The following CBR4 variants were observed in gnomAD, a reference collection of about 807,000 sequenced individuals.
The protein encoded by CBR4 is carbonyl reductase 4.
In CBR4, 22 loss-of-function variants were observed where a neutral mutation model predicts 21.0. The ratio of observed to expected loss-of-function variants is 1.05; its 90% CI spans 0.75 to 1.50. The LOEUF is 1.50. CBR4 is among the 40% of genes most tolerant of loss of function. The pLI, the probability that CBR4 is intolerant of heterozygous loss-of-function variation, is 0.00. For missense variants in CBR4, 302 were observed against 286.3 expected, an observed-to-expected ratio of 1.05 and a Z score of -0.40; for synonymous variants, 100 against 104.4, an observed-to-expected ratio of 0.96 and a Z score of 0.26.
At chr4:168,964,408 C>T (rs1763956413) in intron 2 of CBR4, among the ~76,000 whole-genome samples, 1 of 152,186 alleles carries the variant, frequency 6.6e-6, no homozygotes, top group Non-Finnish European at 1.5e-5. Flanking sequence ...AGACGACCTT[C>T]AATCGAAACA....
intron 2 of CBR4, chr4:168,914,135 T>C: frequency 1.3e-6 from 1 of 746,544 alleles, no homozygotes; most frequent in African/African-American, 1.7e-5. Context: ...GAAGATAGAA[T>C]AGGAATGCAA....
At position 168,988,516 on chromosome 4, in the gene CBR4, T is replaced by A. The variant is rs887441763; in HGVS notation, c.*1634A>T. ...GTACAGGTAGCCAAAGGCCAGCAAT[T>A]GAGACAGCATTAGAGAAACTATCTA... On this transcript the variant is annotated 3_prime_UTR_variant, in exon 5 of 5. Coordinates refer to ENST00000306193, the MANE Select transcript of CBR4 (RefSeq NM_032783.5). 5.0e-5 allele frequency: 49 copies of A among 985,262 alleles called. No homozygotes were observed. The highest frequency in any genetic ancestry group is 5.8e-5 in the Non-Finnish European group (48 of 829,940). The allele number at this position is 985,262 out of a possible 1,614,324, so 61.0% of individuals were successfully genotyped here.
In CBR4 at chr4:169,009,841, G is replaced by GT. The variant is rs148193698; in HGVS notation, c.142+106dup. On this transcript the variant is annotated intron_variant, in intron 1 of 4. Transcript: ENST00000306193. ...GAGCGCCTGCACGCGGCTACATCGA[G>GT]TAACCCTAGAGCCCTAAAGGCCAGA... 14,214 of 1,073,766 alleles carry GT rather than the reference G, an allele frequency of 0.013. 1,213 individuals carry two copies. The African/African-American group carries it at 0.19, about 15-fold the overall frequency. The allele number at this position is 1,073,766 out of a possible 1,614,324, so 66.5% of individuals were successfully genotyped here.
chr4:168,998,551 G>A (rs537907489), intron 4 of CBR4, among the ~76,000 whole-genome samples: 3 of 152,130 alleles, frequency 2.0e-5, no homozygotes, highest in Non-Finnish European at 4.4e-5. Context: ...GAATGTTAAT[G>A]GGTTTAGGAT....
intron 1 of CBR4, among the ~76,000 whole-genome samples, chr4:169,008,010 G>A (rs1240467972): frequency 2.6e-5 from 4 of 151,942 alleles, no homozygotes; most frequent in Non-Finnish European, 5.9e-5. Context: ...AAGGGGGGAG[G>A]GCTTTTTCAA....
intron 2 of CBR4, among the ~76,000 whole-genome samples, chr4:168,900,916 C>G (rs1756375318): frequency 6.6e-6 from 1 of 152,160 alleles, no homozygotes; most frequent in East Asian, 1.9e-4. Context: ...TACTTTCAAA[C>G]CTTACACAAG....
At chr4:168,957,363 A>G (rs2126717419) in intron 2 of CBR4, among the ~76,000 whole-genome samples, 1 of 152,068 alleles carries the variant, frequency 6.6e-6, no homozygotes, top group South Asian at 2.1e-4. Context: ...TAAACATTGT[A>G]CCCCTTAGTG....
At chr4:168,899,961 G>A (rs865858564) in intron 2 of CBR4, among the ~76,000 whole-genome samples, 32 of 152,068 alleles carry the variant, frequency 2.1e-4, no homozygotes, top group African/African-American at 7.7e-4. Flanking sequence ...CTGGCTCACA[G>A]TTCTGCATGG....
chr4:168,996,789 G>A (rs906238253), intron 4 of CBR4, among the ~76,000 whole-genome samples: 11 of 152,098 alleles, frequency 7.2e-5, no homozygotes, highest in Non-Finnish European at 1.6e-4. Context: ...TGTAAAGCTA[G>A]TCTCTAATGA....
At position 169,008,563 on chromosome 4, in the gene CBR4, G is replaced by A. The variant is rs143805718; in HGVS notation, c.143-807C>T. ...AGCCTTTGGAAACAGTAAGCGACCC[G>A]GGGAATTATACTTTCTAGATGAAAA... On this transcript the variant is annotated intron_variant, in intron 1 of 4. Transcript: ENST00000306193. Among the ~76,000 whole-genome samples the A allele has an allele frequency of 2.4e-4, 36 of 152,194 alleles. 2 individuals carry two copies. In the East Asian group the frequency reaches 6.2e-3, roughly 26 times the overall value.
exon 3 of CBR4, chr4:168,894,696 C>T: frequency 1.2e-6 from 2 of 1,610,326 alleles, no homozygotes; most frequent in Admixed American, 1.7e-5. Flanking sequence ...TTGCTCTGGA[C>T]TTCTTAGGGT....
intron 2 of CBR4, among the ~76,000 whole-genome samples, chr4:168,907,486 C>T (rs1758045914): frequency 6.6e-6 from 1 of 152,190 alleles, no homozygotes; most frequent in Non-Finnish European, 1.5e-5. Context: ...ACAACTGCCA[C>T]AGCTGTGGGC....
intron 2 of CBR4, among the ~76,000 whole-genome samples, chr4:168,947,519 C>T (rs10031200): frequency 6.6e-6 from 1 of 152,114 alleles, no homozygotes; most frequent in African/African-American, 2.4e-5. Flanking sequence ...TATTTGTAAT[C>T]GTTTATTCCT....
intron 2 of CBR4, among the ~76,000 whole-genome samples, chr4:168,911,557 T>C (rs1428804626): frequency 6.6e-6 from 1 of 152,234 alleles, no homozygotes; most frequent in Non-Finnish European, 1.5e-5. Flanking sequence ...GTTCATGTGT[T>C]ATCTTGTATG....
chr4:169,008,841 A>T, intron 1 of CBR4: 1 of 392,444 alleles, frequency 2.5e-6, no homozygotes, highest in Non-Finnish European at 4.9e-6. Flanking sequence ...TCCCTGACCT[A>T]TAACTTACAG....
chr4:168,921,499 T>C (rs759928596), intron 2 of CBR4: 15 of 1,426,190 alleles, frequency 1.1e-5, no homozygotes, highest in Middle Eastern at 1.9e-4. Flanking sequence ...TCTGTTTTAA[T>C]ACAAAAATTT....
chr4:168,993,476 G>C (rs1765023862), intron 4 of CBR4, among the ~76,000 whole-genome samples: 1 of 152,150 alleles, frequency 6.6e-6, no homozygotes, highest in South Asian at 2.1e-4. Context: ...CTCCCAAAGT[G>C]CTAGGATTAC....
intron 2 of CBR4, among the ~76,000 whole-genome samples, chr4:168,969,890 T>G (rs1284992648): frequency 6.6e-6 from 1 of 152,210 alleles, no homozygotes; most frequent in Non-Finnish European, 1.5e-5. Flanking sequence ...AGGTAATTCC[T>G]GCTGATGTTG....
At position 169,004,706 on chromosome 4, in the gene CBR4, G is replaced by A. The variant is rs1730754839; in HGVS notation, c.400+2049C>T. On this transcript the variant is annotated intron_variant, in intron 3 of 4. Transcript: ENST00000306193. ...TTTATTCCGGTGGAGCAGAACCAAA[G>A]CTACAATATCTGCGAGACATGCTTG... Among the ~76,000 whole-genome samples, 4 of 152,116 alleles carry A rather than the reference G, an allele frequency of 2.6e-5. No homozygotes were observed. In the South Asian group the frequency reaches 8.3e-4, roughly 31 times the overall value.
Sources: allele counts gnomAD v4.1 joint callset (sites outside exome capture counted in the v4.1 genomes callset), GRCh38; gene constraint gnomAD v4.1.1; transcripts MANE v1.5; gene names NCBI Gene and HGNC (gene_info 2026-07-23, HGNC 2026-07-21).